SLC24A2: variants seen among roughly 807,000 people sequenced by gnomAD.
SLC24A2 encodes the protein solute carrier family 24 member 2.
A neutral mutation model predicts 62.0 loss-of-function variants in SLC24A2; 36 were observed. The observed-to-expected ratio is 0.58, with a 90% CI of 0.44 to 0.77. The LOEUF (loss-of-function observed/expected upper bound fraction) is 0.77. SLC24A2 is among the 30% of genes least tolerant of loss of function. The pLI is 0.00. For synonymous variants in SLC24A2, 358 were observed against 294.0 expected (o/e 1.22, Z -2.23); for missense variants, 846 against 817.9 (o/e 1.03, Z -0.42).
the SLC24A2 span, among the ~76,000 whole-genome samples, chr9:19,826,174 A>C: frequency 7.0e-5 from 1 of 14,310 alleles, no homozygotes; most frequent in Non-Finnish European, 2.1e-4. Context: ...GATGCATTGC[A>C]AAAAAAAAAA....
chr9:19,715,724 T>C lies in SLC24A2; in HGVS notation c.930+70213A>G, dbSNP rs564237236. On this transcript the variant is annotated intron_variant, in intron 2 of 10. Coordinates refer to ENST00000341998, the MANE Select transcript of SLC24A2 (RefSeq NM_020344.4). Reference sequence around the variant, plus strand: ...GAGGGTACTTATAAATGCATTCTCTTGAAGAAAGAAGCAATTGGCAATTTT... The same window carrying C: ...GAGGGTACTTATAAATGCATTCTCTCGAAGAAAGAAGCAATTGGCAATTTT... Among the ~76,000 whole-genome samples the C allele has an allele frequency of 2.0e-5, 3 of 152,332 alleles. No individual in the cohort carries two copies. The East Asian group carries it at 5.8e-4, about 29-fold the overall frequency.
chr9:19,859,255 T>C, the SLC24A2 span, among the ~76,000 whole-genome samples: 2 of 151,720 alleles, frequency 1.3e-5, no homozygotes, highest in African/African-American at 4.8e-5. Context: ...AACAGAAAAA[T>C]AAATACTGAA....
chr9:20,182,703 C>T, the SLC24A2 span, among the ~76,000 whole-genome samples: 2 of 152,108 alleles, frequency 1.3e-5, no homozygotes, highest in Non-Finnish European at 2.9e-5. Context: ...TTGATGGGTG[C>T]AGCAAACCAA....
the SLC24A2 span, among the ~76,000 whole-genome samples, chr9:20,007,134 T>C: frequency 6.6e-6 from 1 of 152,202 alleles, no homozygotes; most frequent in Non-Finnish European, 1.5e-5. Context: ...ACTAGAATTA[T>C]GCCCACAGTA....
chr9:19,659,598 C>G (rs1454201643), intron 2 of SLC24A2, among the ~76,000 whole-genome samples: 3 of 152,090 alleles, frequency 2.0e-5, no homozygotes, highest in East Asian at 1.9e-4. Flanking sequence ...TAATAACAAT[C>G]ATGGGTAAAA....
At chr9:19,922,834 G>A in the SLC24A2 span, among the ~76,000 whole-genome samples, 1 of 152,082 alleles carries the variant, frequency 6.6e-6, no homozygotes, top group South Asian at 2.1e-4. Flanking sequence ...GGTGATCAGA[G>A]ACAACTTGAA....
the SLC24A2 span, among the ~76,000 whole-genome samples, chr9:20,043,249 G>A: frequency 6.6e-6 from 1 of 152,176 alleles, no homozygotes; most frequent in South Asian, 2.1e-4. Context: ...GTGAGCAAAA[G>A]AACGAAAAGA....
chr9:19,513,312 C>T lies in SLC24A2; in HGVS notation c.*2841G>A, dbSNP rs1298292198. 6.6e-6 allele frequency: 1 copy of T among 151,688 alleles called. No homozygotes were observed. Among genetic ancestry groups the T allele is most frequent in the Non-Finnish European group, 1.5e-5 (1 of 67,964 alleles). The allele number at this position is 151,688 out of a possible 1,614,324, so 9.4% of individuals were successfully genotyped here. A position where few individuals can be genotyped will look rare whatever the true frequency, so the allele number is the denominator to read the frequency against. ...GCCAATGATTTGAATGGTTTAAAGA[C>T]CCATTGTTGAACTCTGTACACATCT... On this transcript the variant is annotated 3_prime_UTR_variant, in exon 11 of 11. Coordinates refer to ENST00000341998, the MANE Select transcript of SLC24A2 (RefSeq NM_020344.4).
At chr9:19,746,477 C>G (rs1368396744) in intron 2 of SLC24A2, among the ~76,000 whole-genome samples, 1 of 152,024 alleles carries the variant, frequency 6.6e-6, no homozygotes, top group Non-Finnish European at 1.5e-5. Flanking sequence ...TGGTGACTAA[C>G]TGTAATTGAA....
At chr9:19,755,760 G>A (rs562954887) in intron 2 of SLC24A2, among the ~76,000 whole-genome samples, 4 of 152,298 alleles carry the variant, frequency 2.6e-5, no homozygotes, top group African/African-American at 4.8e-5. Flanking sequence ...GACAGCCAAC[G>A]TGCTAGTCAG....
chr9:19,961,023 GGT>G, the SLC24A2 span, among the ~76,000 whole-genome samples: 1,305 of 141,526 alleles, frequency 9.2e-3, 3 homozygotes, highest in Non-Finnish European at 0.011. Context: ...TAGAGGGGTG[GGT>G]GTGTGTGTGT....
At chr9:19,823,317 GTGT>G in the SLC24A2 span, among the ~76,000 whole-genome samples, 3 of 151,964 alleles carry the variant, frequency 2.0e-5, no homozygotes, top group Non-Finnish European at 2.9e-5. Flanking sequence ...GTGTGTGTGT[GTGT>G]GTGTGTGTAT....
At chr9:19,588,517 CT>C (rs1483815171) in intron 5 of SLC24A2, among the ~76,000 whole-genome samples, 2 of 152,130 alleles carry the variant, frequency 1.3e-5, no homozygotes, top group Non-Finnish European at 2.9e-5. Context: ...TCAAATACCT[CT>C]ACCATAACTG....
chr9:20,190,321 G>T, the SLC24A2 span, among the ~76,000 whole-genome samples: 2 of 152,088 alleles, frequency 1.3e-5, no homozygotes, highest in African/African-American at 4.8e-5. Flanking sequence ...TCCTTTTAGG[G>T]CCCATCCTCC....
intron 2 of SLC24A2, among the ~76,000 whole-genome samples, chr9:19,780,928 G>A (rs563961583): frequency 3.7e-5 from 5 of 136,566 alleles, no homozygotes; most frequent in Non-Finnish European, 1.6e-5. Flanking sequence ...AAGGGAAAAA[G>A]AGAGTTAGAA....
At chr9:19,837,151 C>A in the SLC24A2 span, among the ~76,000 whole-genome samples, 4 of 152,042 alleles carry the variant, frequency 2.6e-5, no homozygotes, top group African/African-American at 9.7e-5. Context: ...GGAAGCGTTC[C>A]CTTTGAAAAC....
chr9:20,306,447 A>G, the SLC24A2 span, among the ~76,000 whole-genome samples: 29 of 152,180 alleles, frequency 1.9e-4, no homozygotes, highest in African/African-American at 6.3e-4. Context: ...TTTTCCCAAA[A>G]GGTTCCACAA....
chr9:19,804,795 G>A, the SLC24A2 span, among the ~76,000 whole-genome samples: 2 of 152,048 alleles, frequency 1.3e-5, no homozygotes, highest in Non-Finnish European at 2.9e-5. Flanking sequence ...GGCTGAGGAA[G>A]CTCCCTTCTA....
chr9:19,933,187 A>G, the SLC24A2 span, among the ~76,000 whole-genome samples: 1 of 152,206 alleles, frequency 6.6e-6, no homozygotes, highest in Admixed American at 6.5e-5. Flanking sequence ...CCTCTGGAAC[A>G]TCATGTCCTG....
Sources: gnomAD v4.1 joint callset for allele counts (sites outside exome capture counted in the v4.1 genomes callset) on GRCh38, gnomAD v4.1.1 for gene constraint, MANE v1.5 for transcripts, NCBI Gene and HGNC (gene_info 2026-07-23, HGNC 2026-07-21) for gene names.